The following DGKB variants were observed in gnomAD, a reference collection of about 807,000 sequenced individuals.
DGKB encodes the protein diacylglycerol kinase beta, also known as 90 kDa diacylglycerol kinase.
DGKB carries 67 observed loss-of-function variants against 114.3 expected under a neutral mutation model. The ratio of observed to expected loss-of-function variants is 0.59; its 90% CI spans 0.48 to 0.72. The LOEUF is 0.72. Ranked by LOEUF, DGKB falls within the 30% of genes least tolerant of loss-of-function variation. The pLI is 0.00. For missense variants in DGKB, 907 were observed against 975.2 expected, an observed-to-expected ratio of 0.93 and a Z score of 0.93; for synonymous variants, 398 against 323.1, an observed-to-expected ratio of 1.23 and a Z score of -2.49.
chr7:14,572,439 G>A (rs1344520884), intron 20 of DGKB, among the ~76,000 whole-genome samples: 2 of 149,484 alleles, frequency 1.3e-5, no homozygotes, highest in Non-Finnish European at 3.0e-5. Flanking sequence ...GTGACAGAGC[G>A]AGACACCATC....
At chr7:14,385,489 C>A (rs1820184608) in intron 21 of DGKB, among the ~76,000 whole-genome samples, 1 of 152,178 alleles carries the variant, frequency 6.6e-6, no homozygotes. Context: ...ATACATGGTC[C>A]TCAGACATGG....
chr7:14,748,223 T>A (rs1226179138), intron 4 of DGKB, among the ~76,000 whole-genome samples: 1 of 152,174 alleles, frequency 6.6e-6, no homozygotes, highest in African/African-American at 2.4e-5. Context: ...ATTCCTTCCA[T>A]GAGGGAGCTT....
chr7:14,191,840 C>A, intron 23 of DGKB: 1 of 483,874 alleles, frequency 2.1e-6, no homozygotes, highest in South Asian at 1.6e-5. Context: ...CGGCTATGTC[C>A]CTGTACTGGA....
At chr7:14,614,205 C>A (rs1294146508) in intron 15 of DGKB, among the ~76,000 whole-genome samples, 2 of 152,030 alleles carry the variant, frequency 1.3e-5, no homozygotes, top group Non-Finnish European at 2.9e-5. Flanking sequence ...ATGAAACATG[C>A]CACGATGGGA....
At chr7:14,629,550 G>T (rs559197226) in intron 14 of DGKB, among the ~76,000 whole-genome samples, 1 of 151,886 alleles carries the variant, frequency 6.6e-6, no homozygotes, top group South Asian at 2.1e-4. Flanking sequence ...ACAATTTTAG[G>T]GAAACAATAC....
At chr7:14,162,718 G>A (rs1023134908) in intron 25 of DGKB, among the ~76,000 whole-genome samples, 8 of 152,128 alleles carry the variant, frequency 5.3e-5, no homozygotes, top group Non-Finnish European at 1.2e-4. Context: ...GCATTAAAGT[G>A]AAGAGTGACA....
intron 23 of DGKB, among the ~76,000 whole-genome samples, chr7:14,181,541 C>G (rs913499010): frequency 2.0e-5 from 3 of 152,118 alleles, no homozygotes; most frequent in Non-Finnish European, 4.4e-5. Flanking sequence ...GAAAGTAGAA[C>G]AGTTTAACAT....
At position 14,148,372 on chromosome 7, in the gene DGKB, T is replaced by C. The variant is rs966658617; in HGVS notation, c.*759A>G. ...ATAGTTTAAAACTTCTATTTCGTTA[T>C]TGGTGTGGTTATGAATTCTCTCCTA... On this transcript the variant is annotated 3_prime_UTR_variant, in exon 26 of 26. Transcript: ENST00000402815. 1 of 152,624 alleles carries C rather than the reference T, an allele frequency of 6.6e-6. No homozygotes were observed. Among genetic ancestry groups the C allele is most frequent in the East Asian group, 1.9e-4 (1 of 5,190 alleles). The allele number at this position is 152,624 out of a possible 1,614,324, so 9.5% of individuals were successfully genotyped here.
intron 23 of DGKB, among the ~76,000 whole-genome samples, chr7:14,314,935 C>T (rs983732727): frequency 1.6e-4 from 24 of 151,524 alleles, no homozygotes; most frequent in South Asian, 4.2e-4. Flanking sequence ...GCGGATCTCT[C>T]GGCAGAAACC....
At chr7:14,400,144 A>G (rs1822872295) in intron 21 of DGKB, among the ~76,000 whole-genome samples, 1 of 151,854 alleles carries the variant, frequency 6.6e-6, no homozygotes, top group South Asian at 2.1e-4. Context: ...AGAGGAAAAC[A>G]CCCTTTATGG....
intron 2 of DGKB, among the ~76,000 whole-genome samples, chr7:14,808,364 A>G (rs4719425): frequency 0.67 from 101,784 of 151,928 alleles, 34,797 homozygotes; most frequent in African/African-American, 0.81. Context: ...AAACTTGCAC[A>G]TTGAGGTAGT....
intron 13 of DGKB, among the ~76,000 whole-genome samples, chr7:14,638,449 G>A (rs1198962341): frequency 6.6e-6 from 1 of 152,046 alleles, no homozygotes; most frequent in Non-Finnish European, 1.5e-5. Context: ...TGATATATAT[G>A]TTACTGTCTG....
At position 14,703,888 on chromosome 7, in the gene DGKB, G is replaced by A. The variant is rs148056353; in HGVS notation, c.467-2158C>T. On this transcript the variant is annotated intron_variant, in intron 6 of 25. Transcript: ENST00000402815. ...TCTATGTCTTTCCCAAGGATAGTGT[G>A]TACTTAACGTTGGTTTTAAAAATGA... Among the ~76,000 whole-genome samples, 258 of 152,286 alleles carry A rather than the reference G, an allele frequency of 1.7e-3. 1 individual carries two copies. Among genetic ancestry groups the A allele is most frequent in the African/African-American group, 5.7e-3 (236 of 41,560 alleles).
chr7:14,842,345 C>T (rs1481780115), intron 1 of DGKB, among the ~76,000 whole-genome samples: 1 of 152,168 alleles, frequency 6.6e-6, no homozygotes, highest in African/African-American at 2.4e-5. Flanking sequence ...CCCAGGACCT[C>T]ACTGTCAAAT....
intron 20 of DGKB, among the ~76,000 whole-genome samples, chr7:14,500,221 A>T (rs989951292): frequency 2.0e-5 from 3 of 151,872 alleles, no homozygotes; most frequent in Admixed American, 1.3e-4. Flanking sequence ...AATTTTATTA[A>T]CATCTTTGCC....
At chr7:14,415,070 A>G (rs1392771111) in intron 21 of DGKB, among the ~76,000 whole-genome samples, 2 of 151,928 alleles carry the variant, frequency 1.3e-5, no homozygotes, top group Non-Finnish European at 2.9e-5. Context: ...ATGTATTTCT[A>G]AAAGTAAATA....
chr7:14,432,192 C>A (rs1828549826), intron 21 of DGKB, among the ~76,000 whole-genome samples: 1 of 152,268 alleles, frequency 6.6e-6, no homozygotes, highest in South Asian at 2.1e-4. Flanking sequence ...ATAGAAGTTG[C>A]TACTGTCAAA....
rs113447746 is a variant in DGKB at position 14,877,543 on chromosome 7, G to C, written c.-188+25049C>G. Among the ~76,000 whole-genome samples, 4 of 152,184 alleles carry C rather than the reference G, an allele frequency of 2.6e-5. No homozygotes were observed. The South Asian group carries it at 6.2e-4, about 24-fold the overall frequency. On this transcript the variant is annotated intron_variant, in intron 1 of 25. Transcript: ENST00000402815. ...GCACTCCAGCCCGGGGAAAAATAGC[G>C]AAACTTTGTCTCAAAAAACAAAAAA...
Position 14,532,160 on chromosome 7 carries a change from C to T in DGKB, c.1770+42052G>A, listed in dbSNP as rs368818260. Among the ~76,000 whole-genome samples the T allele has an allele frequency of 4.0e-5, 6 of 150,734 alleles. No individual in the cohort carries two copies. In the South Asian group the frequency reaches 8.3e-4, roughly 21 times the overall value. On this transcript the variant is annotated intron_variant, in intron 20 of 25. Coordinates refer to ENST00000402815, the MANE Select transcript of DGKB (RefSeq NM_001350709.2). ...CGACCTTTGGGTTAGGGAAAATGTT[C>T]CCAGATATAACACCAAAAGAATAGC...
Sources: gnomAD v4.1 joint callset for allele counts (sites outside exome capture counted in the v4.1 genomes callset) on GRCh38, gnomAD v4.1.1 for gene constraint, MANE v1.5 for transcripts, NCBI Gene and HGNC (gene_info 2026-07-23, HGNC 2026-07-21) for gene names.